The following AGBL1 variants were observed in gnomAD, a reference collection of about 807,000 sequenced individuals.
The protein encoded by AGBL1 is AGBL carboxypeptidase 1.
In AGBL1, 130 loss-of-function variants were observed where a neutral mutation model predicts 118.9. The ratio of observed to expected loss-of-function variants is 1.09; its 90% confidence interval spans 0.95 to 1.26. The LOEUF (loss-of-function observed/expected upper bound fraction) is 1.26, where lower values mean the gene tolerates loss of function less well. Ranked by LOEUF, AGBL1 falls within the 50% of genes most tolerant of loss-of-function variation. The pLI is 0.00. For synonymous variants in AGBL1, 555 were observed against 478.9 expected (o/e 1.16, Z -2.08); for missense variants, 1,584 against 1,298.1 (o/e 1.22, Z -3.38).
intron 1 of AGBL1, among the ~76,000 whole-genome samples, chr15:86,111,111 G>C (rs1055883039): frequency 6.6e-6 from 1 of 152,242 alleles, no homozygotes; most frequent in Non-Finnish European, 1.5e-5. Flanking sequence ...GGAGGCAGCT[G>C]GGCTCAGGCC....
chr15:86,376,387 A>T (rs2081041388), intron 17 of AGBL1, among the ~76,000 whole-genome samples: 1 of 152,196 alleles, frequency 6.6e-6, no homozygotes, highest in Non-Finnish European at 1.5e-5. Context: ...GAAAGTTATT[A>T]CACTCAGTGA....
chr15:86,131,947 C>T (rs1487238554), intron 1 of AGBL1, among the ~76,000 whole-genome samples: 3 of 123,312 alleles, frequency 2.4e-5, no homozygotes, highest in Admixed American at 8.1e-5. Flanking sequence ...GACCATGTCT[C>T]GAAAAAAAAA....
At chr15:86,103,434 T>A (rs1489407640) in intron 1 of AGBL1, among the ~76,000 whole-genome samples, 2 of 152,208 alleles carry the variant, frequency 1.3e-5, no homozygotes, top group Non-Finnish European at 2.9e-5. Flanking sequence ...GTTTCGTTTG[T>A]CCTTATGTTG....
chr15:87,019,085 T>C (rs1472810511), intron 24 of AGBL1, among the ~76,000 whole-genome samples: 1 of 152,138 alleles, frequency 6.6e-6, no homozygotes, highest in African/African-American at 2.4e-5. Flanking sequence ...CCTAAATATA[T>C]ATGCACTCAA....
At chr15:86,716,483 T>G (rs537683986) in intron 22 of AGBL1, among the ~76,000 whole-genome samples, 1 of 152,276 alleles carries the variant, frequency 6.6e-6, no homozygotes, top group East Asian at 1.9e-4. Flanking sequence ...AATGTGTCAT[T>G]GGTAGTCACT....
intron 23 of AGBL1, among the ~76,000 whole-genome samples, chr15:86,979,957 T>C (rs1034405966): frequency 3.9e-5 from 6 of 152,212 alleles, no homozygotes; most frequent in Admixed American, 3.9e-4. Context: ...AGAGACTTTT[T>C]AACAGGTGAG....
intron 22 of AGBL1, among the ~76,000 whole-genome samples, chr15:86,804,644 A>C (rs2078693615): frequency 1.3e-5 from 2 of 152,168 alleles, no homozygotes; most frequent in South Asian, 4.1e-4. Flanking sequence ...GGCCCAAGAC[A>C]CACCTCAAAA....
At chr15:86,347,926 C>T (rs1408357619) in intron 17 of AGBL1, among the ~76,000 whole-genome samples, 2 of 152,170 alleles carry the variant, frequency 1.3e-5, no homozygotes, top group African/African-American at 4.8e-5. Flanking sequence ...CTTCATAATT[C>T]CTTTTACATT....
At chr15:86,610,155 C>T (rs1567082323) in intron 21 of AGBL1, among the ~76,000 whole-genome samples, 3 of 152,130 alleles carry the variant, frequency 2.0e-5, no homozygotes, top group African/African-American at 7.2e-5. Flanking sequence ...CTTTCTGTAG[C>T]ATAATACATT....
chr15:86,437,950 G>A (rs946877098), intron 18 of AGBL1, among the ~76,000 whole-genome samples: 3 of 152,028 alleles, frequency 2.0e-5, no homozygotes, highest in Non-Finnish European at 4.4e-5. Context: ...CTATTGCCCA[G>A]GCTGGAGTGC....
At chr15:86,472,168 G>T (rs183669210) in intron 18 of AGBL1, among the ~76,000 whole-genome samples, 104 of 152,322 alleles carry the variant, frequency 6.8e-4, no homozygotes, top group Admixed American at 3.1e-3. Flanking sequence ...ACCTCCAGAA[G>T]TGTGAGAGAA....
At chr15:86,183,958 C>G (rs994216297) in intron 5 of AGBL1, among the ~76,000 whole-genome samples, 1 of 152,174 alleles carries the variant, frequency 6.6e-6, no homozygotes, top group Admixed American at 6.5e-5. Context: ...ACCCACTAAT[C>G]CTCAGCACAC....
chr15:86,702,789 C>T (rs2086382657), intron 22 of AGBL1, among the ~76,000 whole-genome samples: 1 of 152,092 alleles, frequency 6.6e-6, no homozygotes, highest in African/African-American at 2.4e-5. Context: ...TCTTCGTCTG[C>T]TGGTGTTTCC....
intron 17 of AGBL1, among the ~76,000 whole-genome samples, chr15:86,346,108 G>A (rs1219129088): frequency 1.3e-5 from 2 of 151,276 alleles, no homozygotes; most frequent in Admixed American, 6.6e-5. Context: ...TCAGCCTCCC[G>A]AATAGCTGGG....
chr15:86,918,418 C>T (rs191093811), downstream of AGBL1, among the ~76,000 whole-genome samples: 6 of 152,180 alleles, frequency 3.9e-5, no homozygotes, highest in African/African-American at 9.6e-5. Context: ...GACATCTCCT[C>T]CCTTCATTTT....
intron 5 of AGBL1, among the ~76,000 whole-genome samples, chr15:86,195,103 G>A (rs1279506762): frequency 6.6e-6 from 1 of 152,128 alleles, no homozygotes; most frequent in East Asian, 1.9e-4. Context: ...TTTATTGAGA[G>A]CTTACTATAG....
At chr15:86,745,018 T>TG (rs2141243029) in intron 22 of AGBL1, among the ~76,000 whole-genome samples, 1 of 152,190 alleles carries the variant, frequency 6.6e-6, no homozygotes, top group East Asian at 1.9e-4. Context: ...TGGGACCAGG[T>TG]GGACCACTGG....
chr15:86,660,131 A>G lies in AGBL1; in HGVS notation c.2995-14142A>G, dbSNP rs188227618. Among the ~76,000 whole-genome samples, 44 of 151,832 alleles carry G rather than the reference A, an allele frequency of 2.9e-4. No individual in the cohort carries two copies. The Middle Eastern group carries it at 0.01, about 35-fold the overall frequency. On this transcript the variant is annotated intron_variant, in intron 21 of 22. Transcript: ENST00000614907. ...ATGTTTAGACCTACTCCCGCAAGAAAGACGGTTTCCTGCAGAAAATGTCAG... is the reference window on the plus strand; with the variant it reads ...ATGTTTAGACCTACTCCCGCAAGAAGGACGGTTTCCTGCAGAAAATGTCAG...
chr15:86,660,278 C>G (rs1208687551), intron 21 of AGBL1, among the ~76,000 whole-genome samples: 2 of 152,030 alleles, frequency 1.3e-5, no homozygotes, highest in East Asian at 3.9e-4. Flanking sequence ...GAGACATATT[C>G]ATTGTCAAAC....
Sources: allele counts gnomAD v4.1 joint callset (sites outside exome capture counted in the v4.1 genomes callset), GRCh38; gene constraint gnomAD v4.1.1; transcripts MANE v1.5; gene names NCBI Gene and HGNC (gene_info 2026-07-23, HGNC 2026-07-21).